The following NOTCH3 variants were observed in gnomAD, a reference collection of about 807,000 sequenced individuals.
The protein encoded by NOTCH3 is neurogenic locus notch homolog protein 3.
In NOTCH3, 86 loss-of-function variants were observed where a neutral mutation model predicts 213.3. That is an observed-to-expected ratio of 0.40 (90% CI 0.34 to 0.48). The LOEUF (loss-of-function observed/expected upper bound fraction) is 0.48. Ranked by LOEUF, NOTCH3 falls within the 20% of genes least tolerant of loss-of-function variation. The pLI is 0.57. For synonymous variants in NOTCH3, 1,354 were observed against 1,355.9 expected (o/e 1.00, Z 0.03); for missense variants, 2,783 against 3,272.6 (o/e 0.85, Z 3.65).
rs2046645523 is a variant in NOTCH3 at position 15,161,702 on chromosome 19, G to A, written c.5926C>T (p.Leu1976=). 2 of 1,613,494 alleles carry A rather than the reference G, an allele frequency of 1.2e-6. No homozygotes were observed. The highest frequency in any genetic ancestry group is 1.7e-6 in the Non-Finnish European group (2 of 1,179,732). The change falls in exon 33 of 33, where the codon CTA becomes TTA. Residue 1976 remains leucine, a synonymous_variant. Transcript: ENST00000263388. The part of the protein sequence containing the change: ...DMQDSKEETP[L]FLAAREGSYE... ...CTGCCCTCGCGGGCGGCCAGGAATA[G>A]GGGGGTCTCCTCCTGGGGGGCCAGA...
chr19:15,189,020 G>C lies in NOTCH3; in HGVS notation c.1347C>G (p.Arg449=), dbSNP rs1272669585. Residue 449 remains arginine, a synonymous_variant, in exon 8 of 33, where the codon CGC becomes CGG. Transcript: ENST00000263388. ...PCRNQATCLD[R]IGQFTCICMA... Reference sequence around the variant, plus strand: ...TACAGATACAGGTGAACTGGCCTATGCGGTCGAGGCACGTGGCCTGGTTTC... The same window carrying C: ...TACAGATACAGGTGAACTGGCCTATCCGGTCGAGGCACGTGGCCTGGTTTC... The C allele has an allele frequency of 6.2e-7, 1 of 1,612,310 alleles. No homozygotes were observed. Among genetic ancestry groups the C allele is most frequent in the South Asian group, 1.1e-5 (1 of 90,918 alleles).
chr19:15,177,415 G>GA, intron 24 of NOTCH3, 110 bp downstream of exon 24: 2 of 1,006,764 alleles, frequency 2.0e-6, no homozygotes, highest in South Asian at 2.7e-5. Flanking sequence ...AGTGCACAGA[G>GA]AAACAGACGG....
chr19:15,184,972 G>A lies in NOTCH3; in HGVS notation c.2344C>T (p.His782Tyr). ...LSPCTPNPCE[H>Y]GGRCESAPGQ... Reference sequence around the variant, plus strand: ...GGGGCAGACTCGCAGCGGCCCCCATGCTCACAGGGGTTCGGGGTGCAGGGG... The same window carrying A: ...GGGGCAGACTCGCAGCGGCCCCCATACTCACAGGGGTTCGGGGTGCAGGGG... The change falls in exon 15 of 33, where the codon CAT (histidine) becomes TAT (tyrosine). Residue 782 changes from histidine (H) to tyrosine (Y), a missense_variant. His to Tyr is a moderately conservative substitution (Grantham distance 83). Around this residue, in one of 6 missense-constraint regions of NOTCH3, gnomAD observed 861 missense variants for 909.1 expected, o/e 0.95. Transcript: ENST00000263388. 8 of 1,546,098 alleles carry A rather than the reference G, an allele frequency of 5.2e-6. No homozygotes were observed. The South Asian group carries it at 9.6e-5, about 19-fold the overall frequency.
In NOTCH3 at chr19:15,170,558, G is replaced by C; in HGVS notation, c.4892-5C>G. 1.2e-6 allele frequency: 2 copies of C among 1,608,184 alleles called. No homozygotes were observed. Among genetic ancestry groups the C allele is most frequent in the Non-Finnish European group, 1.7e-6 (2 of 1,179,240 alleles). ...CTGGAGGCTCCAGCGGCTCCCCTAA[G>C]AGCAGGAAGCAGAGGGCGGGGCTTC... On this transcript the variant is annotated splice_polypyrimidine_tract_variant and splice_region_variant and intron_variant, in intron 26 of 32. Coordinates refer to ENST00000263388, the MANE Select transcript of NOTCH3 (RefSeq NM_000435.3).
At chr19:15,177,255 A>G (rs1775436614) in intron 24 of NOTCH3, among the ~76,000 whole-genome samples, 1 of 151,936 alleles carries the variant, frequency 6.6e-6, no homozygotes, top group Non-Finnish European at 1.5e-5. Flanking sequence ...TCTCGGGAAA[A>G]AAAAAAAAAA....
In NOTCH3 at chr19:15,185,683, G is replaced by C. The variant is rs769166218; in HGVS notation, c.1952-4C>G. 6.2e-7 allele frequency: 1 copy of C among 1,612,874 alleles called. No individual in the cohort carries two copies. Among genetic ancestry groups the C allele is most frequent in the Non-Finnish European group, 8.5e-7 (1 of 1,179,996 alleles). ...ATCTCCACGTTACAAAGGGGCCCTG[G>C]GGAGTACACAAGCAATCTCATCTCA... On this transcript the variant is annotated splice_region_variant and splice_polypyrimidine_tract_variant and intron_variant, in intron 12 of 32. Transcript: ENST00000263388. This position sits in a 1 kb window ranked among gnomAD's most constrained non-coding sequence, Gnocchi z 4.2.
rs770719865 is a variant in NOTCH3, at chr19:15,184,457, G to T, written c.2411-7C>A. The T allele has an allele frequency of 1.2e-6, 2 of 1,613,692 alleles. No individual in the cohort carries two copies. The highest frequency in any genetic ancestry group is 1.7e-6 in the Non-Finnish European group (2 of 1,179,800). On this transcript the variant is annotated splice_polypyrimidine_tract_variant and splice_region_variant and intron_variant, in intron 15 of 32. Transcript: ENST00000263388. Reference sequence around the variant, plus strand: ...TCCTGCTGGCATCGTGGGCCTGGGGGTAGGGAGCAAGGTTACACCTAGGGT... The same window carrying T: ...TCCTGCTGGCATCGTGGGCCTGGGGTTAGGGAGCAAGGTTACACCTAGGGT...
intron 16 of NOTCH3, among the ~76,000 whole-genome samples, 179 bp downstream of exon 16, chr19:15,184,116 G>A (rs187387445): frequency 1.6e-4 from 24 of 148,142 alleles, no homozygotes; most frequent in South Asian, 1.5e-3. Flanking sequence ...TCCCTAACTC[G>A]TTCCATGGGC....
Position 15,174,088 on chromosome 19 carries a change from C to A in NOTCH3, c.4716G>T (p.Glu1572Asp). The change falls in exon 25 of 33, where the codon GAG (glutamate) becomes GAT (aspartate). Residue 1572 changes from glutamate to aspartate, a missense_variant. Physicochemically the swap from Glu to Asp is conservative, Grantham distance 45. Transcript: ENST00000263388. ...CTCACCCGATCACCTCGGGGGCCAG[C>A]TCCCGACGGGCCCGGGGTTCGGAGC... ...SPGSEPRARRELAPEVIGSVV... is the reference protein window; with the variant it reads ...SPGSEPRARRDLAPEVIGSVV... 1 of 1,586,912 alleles carries A rather than the reference C, an allele frequency of 6.3e-7. No homozygotes were observed. The highest frequency in any genetic ancestry group is 1.1e-5 in the South Asian group (1 of 88,910).
intron 16 of NOTCH3, among the ~76,000 whole-genome samples, chr19:15,183,177 C>T (rs1208003703): frequency 1.3e-5 from 2 of 152,012 alleles, no homozygotes; most frequent in Non-Finnish European, 1.5e-5. Context: ...ATGCCTCAGC[C>T]CAGGAGTTCG....
In NOTCH3 at chr19:15,177,811, C is replaced by T. The variant is rs1173394019; in HGVS notation, c.4117G>A (p.Glu1373Lys). ...CAQGWTGPRC[E>K]APAAAPEVSE... is the part of the protein sequence containing the mutation. ...ACCTCGGGTGCCGCGGCGGGCGCCT[C>T]GCAGCGCGGCCCGGTCCAGCCCTGC... is the stretch of plus-strand genomic sequence containing the variant. Residue 1373 changes from glutamate to lysine, a missense_variant, in exon 24 of 33, where the codon GAG becomes AAG. Around this residue, in one of 6 missense-constraint regions of NOTCH3, gnomAD observed 133 missense variants for 201.9 expected, o/e 0.66. Coordinates refer to ENST00000263388, the MANE Select transcript of NOTCH3 (RefSeq NM_000435.3). 6 of 1,257,812 alleles carry T rather than the reference C, an allele frequency of 4.8e-6. No homozygotes were observed. The highest frequency in any genetic ancestry group is 6.0e-6 in the Non-Finnish European group (6 of 1,006,882). 77.9% of individuals were successfully genotyped at this position (1,257,812 alleles called of 1,614,324 possible).
rs2145401919 is a variant in NOTCH3 at position 15,170,775 on chromosome 19, T to C, written c.4787A>G (p.Glu1596Gly). The stretch of plus-strand genomic sequence containing the variant: ...GGCATCGGGGAAGCAGTGATCATTC[T>C]CAGGCGACTGCAGGCAGAGCCGGTT... ...IDNRLCLQSP[E>G]NDHCFPDAQS... is the part of the protein sequence containing the mutation. Residue 1596 changes from glutamate to glycine, a missense_variant, in exon 26 of 33, where the codon GAG becomes GGG. Coordinates refer to ENST00000263388, the MANE Select transcript of NOTCH3 (RefSeq NM_000435.3). 1 of 1,613,144 alleles carries C rather than the reference T, an allele frequency of 6.2e-7. No homozygotes were observed. The highest frequency in any genetic ancestry group is 8.5e-7 in the Non-Finnish European group (1 of 1,179,814).
chr19:15,179,343 C>G (rs993840107), intron 21 of NOTCH3, 21 bp downstream of exon 21: 10 of 1,610,980 alleles, frequency 6.2e-6, no homozygotes, highest in African/African-American at 1.3e-5. Context: ...TCCTGTCCCC[C>G]CAACCCTGGC....
At chr19:15,180,299 C>T (rs374193964) in intron 19 of NOTCH3, 43 bp from the exon 20 acceptor site, 5 of 1,598,652 alleles carry the variant, frequency 3.1e-6, no homozygotes, top group Non-Finnish European at 4.3e-6. Flanking sequence ...TAACCCCATA[C>T]ATCCCCCTTC....
rs770123435 is a variant in NOTCH3 at position 15,161,217 on chromosome 19, C to T, written c.6411G>A (p.Leu2137=). 107 of 1,546,324 alleles carry T rather than the reference C, an allele frequency of 6.9e-5. No individual in the cohort carries two copies. The highest frequency in any genetic ancestry group is 8.9e-5 in the Non-Finnish European group (103 of 1,151,410). Residue 2137 remains leucine (L), a synonymous_variant, in exon 33 of 33, where the codon CTG becomes CTA. Coordinates refer to ENST00000263388, the MANE Select transcript of NOTCH3 (RefSeq NM_000435.3). ...YAAATATAVS[L]AQLGGPGRAG... ...CCCGGCCTGGGCCACCAAGCTGTGC[C>T]AGAGACACTGCAGTGGCAGTGGCAG...
intron 24 of NOTCH3, among the ~76,000 whole-genome samples, chr19:15,175,550 A>T (rs1439434422): frequency 1.3e-4 from 6 of 46,420 alleles, no homozygotes; most frequent in African/African-American, 4.1e-4. Context: ...AAAAAAAAAA[A>T]AAATACATAT....
chr19:15,199,917 C>T (rs1008896530), intron 1 of NOTCH3, among the ~76,000 whole-genome samples: 6 of 152,058 alleles, frequency 3.9e-5, no homozygotes. Context: ...GGGGTGCCCC[C>T]GCAGCCCCCT....
At chr19:15,177,153 G>T (rs1233702208) in intron 24 of NOTCH3, among the ~76,000 whole-genome samples, 6 of 151,342 alleles carry the variant, frequency 4.0e-5, no homozygotes, top group Non-Finnish European at 7.4e-5. Context: ...AGAGGCTGAG[G>T]CAGGAGTACT....
intron 6 of NOTCH3, among the ~76,000 whole-genome samples, chr19:15,190,146 C>T (rs1206323735): frequency 5.9e-5 from 9 of 151,938 alleles, no homozygotes; most frequent in Non-Finnish European, 1.2e-4. Context: ...TGGTGGCGCA[C>T]GCCTGTAATC....
Sources: gnomAD v4.1 joint callset for allele counts (sites outside exome capture counted in the v4.1 genomes callset) on GRCh38, gnomAD v4.1.1 for gene constraint, gnomAD v4.1.1 regional missense constraint, Gnocchi (gnomAD v3.1) non-coding constraint, MANE v1.5 for transcripts, NCBI Gene and HGNC (gene_info 2026-07-23, HGNC 2026-07-21) for gene names.